ARHGAP24: variants seen among roughly 807,000 people sequenced by gnomAD.
ARHGAP24 encodes Rho GTPase activating protein 24, also known as rho GTPase-activating protein 24.
Under a neutral mutation model 76.4 loss-of-function variants are expected in ARHGAP24, and 50 were observed. The observed-to-expected ratio is 0.65, with a 90% CI of 0.52 to 0.83. The LOEUF is 0.83. Among genes scored for constraint, ARHGAP24 ranks in the 40% least tolerant of loss-of-function variants. The pLI is 0.00. For missense variants in ARHGAP24, 930 were observed against 914.2 expected (o/e 1.02, Z -0.22); for synonymous variants, 345 against 323.3 (o/e 1.07, Z -0.72).
chr4:85,559,288 T>G (rs988960401), intron 1 of ARHGAP24, among the ~76,000 whole-genome samples: 25 of 152,220 alleles, frequency 1.6e-4, no homozygotes, highest in Non-Finnish European at 2.9e-4. Flanking sequence ...TCATTTTAAT[T>G]GACAAATAAA....
At chr4:85,707,708 T>C (rs908574610) in intron 2 of ARHGAP24, among the ~76,000 whole-genome samples, 1 of 152,256 alleles carries the variant, frequency 6.6e-6, no homozygotes, top group East Asian at 1.9e-4. Flanking sequence ...GGACCGCTAA[T>C]GAACATTATT....
intron 2 of ARHGAP24, among the ~76,000 whole-genome samples, chr4:85,715,519 G>A (rs926914742): frequency 2.0e-5 from 3 of 151,986 alleles, no homozygotes; most frequent in African/African-American, 4.8e-5. Flanking sequence ...TACAGATGAC[G>A]AACCTGAGGA....
intron 2 of ARHGAP24, among the ~76,000 whole-genome samples, chr4:85,586,820 C>T (rs1578057694): frequency 6.6e-6 from 1 of 152,130 alleles, no homozygotes; most frequent in African/African-American, 2.4e-5. Context: ...ATCGCTTGAA[C>T]CTGGGAGGTG....
chr4:85,692,819 G>A (rs545898273), intron 2 of ARHGAP24, among the ~76,000 whole-genome samples: 2 of 152,194 alleles, frequency 1.3e-5, no homozygotes, highest in Non-Finnish European at 2.9e-5. Context: ...TTTCAGAGTG[G>A]TTAAGAACCA....
chr4:85,643,578 A>G (rs1721610456), intron 2 of ARHGAP24, among the ~76,000 whole-genome samples: 1 of 151,978 alleles, frequency 6.6e-6, no homozygotes, highest in South Asian at 2.1e-4. Context: ...TTTTGTTCAT[A>G]CTACTTATCA....
At chr4:85,620,395 C>T (rs540727133) in intron 2 of ARHGAP24, among the ~76,000 whole-genome samples, 89 of 151,900 alleles carry the variant, frequency 5.9e-4, no homozygotes, top group Middle Eastern at 6.8e-3. Context: ...TGTATGTTCC[C>T]GGCAATTCAT....
chr4:85,586,082 G>A (rs2109976249), intron 2 of ARHGAP24, among the ~76,000 whole-genome samples: 2 of 152,220 alleles, frequency 1.3e-5, no homozygotes, highest in South Asian at 4.2e-4. Flanking sequence ...GCCCCACTCT[G>A]GGAAGGTCAA....
At chr4:85,477,429 G>C (rs190856748) in intron 1 of ARHGAP24, among the ~76,000 whole-genome samples, 1 of 152,296 alleles carries the variant, frequency 6.6e-6, no homozygotes, top group East Asian at 1.9e-4. Flanking sequence ...ATCCACTGCA[G>C]AACAAATGGC....
Position 86,001,036 on chromosome 4 carries a change from G to A in ARHGAP24, c.*314G>A, listed in dbSNP as rs1265857549. On this transcript the variant is annotated 3_prime_UTR_variant, in exon 10 of 10. Transcript: ENST00000395184. ...TTGTATTTAAATGTTAAATCAATAT[G>A]TTGTTGCAATTTAGCTTGCTTTCAA... 4 of 471,658 alleles carry A rather than the reference G, an allele frequency of 8.5e-6. No individual in the cohort carries two copies. Among genetic ancestry groups the A allele is most frequent in the Non-Finnish European group, 1.1e-5 (3 of 270,728 alleles). The allele number at this position is 471,658 out of a possible 1,614,324, so 29.2% of individuals were successfully genotyped here.
chr4:85,803,398 A>G (rs1210169173), intron 3 of ARHGAP24, among the ~76,000 whole-genome samples: 1 of 152,228 alleles, frequency 6.6e-6, no homozygotes, highest in Admixed American at 6.5e-5. Context: ...GCTGTCTAAG[A>G]TGGATCCCTT....
chr4:85,792,427 A>G (rs909861661), intron 3 of ARHGAP24, among the ~76,000 whole-genome samples: 3 of 152,198 alleles, frequency 2.0e-5, no homozygotes, highest in Non-Finnish European at 2.9e-5. Flanking sequence ...AACATGGCTC[A>G]GTAACAATAA....
intron 1 of ARHGAP24, among the ~76,000 whole-genome samples, chr4:85,488,198 G>A (rs551485746): frequency 2.6e-4 from 39 of 151,874 alleles, no homozygotes; most frequent in South Asian, 1.7e-3. Context: ...TATTTTCCAC[G>A]AAAGAAATTC....
chr4:85,540,883 T>G (rs1432665406), intron 1 of ARHGAP24, among the ~76,000 whole-genome samples: 1 of 144,568 alleles, frequency 6.9e-6, no homozygotes, highest in Non-Finnish European at 1.5e-5. Context: ...GTTTGTATAG[T>G]GAACAGCCTT....
At chr4:85,545,080 G>A (rs1360685417) in intron 1 of ARHGAP24, among the ~76,000 whole-genome samples, 2 of 150,482 alleles carry the variant, frequency 1.3e-5, no homozygotes, top group South Asian at 2.1e-4. Flanking sequence ...AAATGATCCA[G>A]TGCTCTACAG....
chr4:85,843,923 AC>A (rs1437106998), intron 3 of ARHGAP24, among the ~76,000 whole-genome samples: 3 of 152,136 alleles, frequency 2.0e-5, no homozygotes, highest in Non-Finnish European at 4.4e-5. Context: ...AAATTTTATC[AC>A]TGAGTTATAT....
At chr4:85,557,517 T>C (rs1296548929) in intron 1 of ARHGAP24, among the ~76,000 whole-genome samples, 1 of 152,164 alleles carries the variant, frequency 6.6e-6, no homozygotes, top group Non-Finnish European at 1.5e-5. Context: ...GTTTCCCCAG[T>C]GTGGTGACTC....
chr4:85,837,352 G>A (rs966571559), intron 3 of ARHGAP24, among the ~76,000 whole-genome samples: 1 of 152,104 alleles, frequency 6.6e-6, no homozygotes, highest in African/African-American at 2.4e-5. Flanking sequence ...ATGGGGAAAA[G>A]GTACTTGAAT....
At chr4:85,492,045 C>T (rs1402661672) in intron 1 of ARHGAP24, among the ~76,000 whole-genome samples, 2 of 151,490 alleles carry the variant, frequency 1.3e-5, no homozygotes, top group Non-Finnish European at 2.9e-5. Flanking sequence ...CTCTCTCTTC[C>T]TCGCCATTCC....
intron 2 of ARHGAP24, among the ~76,000 whole-genome samples, chr4:85,681,140 CTCA>C (rs1253823425): frequency 2.6e-5 from 4 of 152,152 alleles, no homozygotes; most frequent in Admixed American, 6.6e-5. Flanking sequence ...GGTGTTTTAA[CTCA>C]TCAAGTCTTG....
Sources: allele counts gnomAD v4.1 joint callset (sites outside exome capture counted in the v4.1 genomes callset), GRCh38; gene constraint gnomAD v4.1.1; transcripts MANE v1.5; gene names NCBI Gene and HGNC (gene_info 2026-07-23, HGNC 2026-07-21).